Variants in DPP6 observed in about 807,000 individuals in gnomAD.
DPP6 encodes dipeptidyl peptidase like 6, also known as A-type potassium channel modulatory protein DPP6.
Under a neutral mutation model 122.6 loss-of-function variants are expected in DPP6, and 69 were observed. The observed-to-expected ratio is 0.56, with a 90% CI of 0.46 to 0.69. The LOEUF (loss-of-function observed/expected upper bound fraction) is 0.69, where lower values mean the gene tolerates loss of function less well. Ranked by LOEUF, DPP6 falls within the 30% of genes least tolerant of loss-of-function variation. The pLI, the probability that DPP6 is intolerant of heterozygous loss-of-function variation, is 0.00. For missense variants in DPP6, 928 were observed against 1,116.9 expected (o/e 0.83, Z 2.41); for synonymous variants, 418 against 433.1 (o/e 0.97, Z 0.43).
chr7:153,833,172 T>C, the DPP6 span, among the ~76,000 whole-genome samples: 1 of 152,234 alleles, frequency 6.6e-6, no homozygotes. Flanking sequence ...ATCTCTTGCC[T>C]GTGCTTCAGT....
intron 10 of DPP6, among the ~76,000 whole-genome samples, chr7:154,788,325 T>C (rs979681762): frequency 1.3e-5 from 2 of 151,920 alleles, no homozygotes; most frequent in Non-Finnish European, 2.9e-5. Flanking sequence ...ACACCTGTAA[T>C]CTCAGCTATT....
chr7:154,676,143 G>GCCCT lies in DPP6; in HGVS notation c.762+6702_762+6703insCCCT, dbSNP rs1253425280. 2.5e-3 allele frequency among the ~76,000 whole-genome samples: 366 copies of GCCCT among 144,110 alleles called. 6 individuals carry two copies. Among genetic ancestry groups the GCCCT allele is most frequent in the Middle Eastern group, 7.3e-3 (2 of 274 alleles). 94.5% of individuals were successfully genotyped at this position (144,110 alleles called of 152,430 possible). ...CAGCATGCTGTCTGGAGGTCCAGCT[G>GCCCT]TCCTAACCATGTGACCTCCTACACA... On this transcript the variant is annotated intron_variant, in intron 7 of 25. Transcript: ENST00000377770.
the DPP6 span, among the ~76,000 whole-genome samples, chr7:153,855,055 A>C: frequency 8.4e-6 from 1 of 119,502 alleles, no homozygotes; most frequent in South Asian, 3.5e-4. Context: ...ACATGGACAC[A>C]GGAAGGGGAA....
intron 1 of DPP6, among the ~76,000 whole-genome samples, chr7:154,064,873 C>T (rs1261371131): frequency 6.6e-6 from 1 of 152,168 alleles, no homozygotes; most frequent in Non-Finnish European, 1.5e-5. Context: ...ACCGCAAGCG[C>T]GTTGCACAGA....
intron 1 of DPP6, among the ~76,000 whole-genome samples, chr7:154,206,017 G>A (rs1799428054): frequency 6.6e-6 from 1 of 152,152 alleles, no homozygotes; most frequent in Admixed American, 6.5e-5. Context: ...TCCAAGGAAA[G>A]GCATCTCCTT....
chr7:154,771,019 G>A (rs1219624783), intron 9 of DPP6, among the ~76,000 whole-genome samples: 2 of 152,222 alleles, frequency 1.3e-5, no homozygotes, highest in South Asian at 2.1e-4. Flanking sequence ...TTCCTGCCAT[G>A]AGCTGCCTCT....
At position 154,624,436 on chromosome 7, in the gene DPP6, G is replaced by A. The variant is rs1024803291; in HGVS notation, c.628-13385G>A. The stretch of plus-strand genomic sequence containing the variant: ...GTACCCAGGAGACAGAGATTGCGCC[G>A]CTGCCTTCCAACCTGGGCAACAAGA... On this transcript the variant is annotated intron_variant, in intron 5 of 25. Transcript: ENST00000377770. The surrounding 1 kb of genome is among the most constrained non-coding windows in gnomAD (Gnocchi z 4.7). 5.9e-5 allele frequency among the ~76,000 whole-genome samples: 9 copies of A among 151,960 alleles called. No individual in the cohort carries two copies. The highest frequency in any genetic ancestry group is 3.9e-4 in the Admixed American group (6 of 15,270).
chr7:154,585,540 G>A (rs1457243222), intron 5 of DPP6, among the ~76,000 whole-genome samples: 1 of 152,202 alleles, frequency 6.6e-6, no homozygotes, highest in Admixed American at 6.5e-5. Context: ...GTGGTTACCA[G>A]AACCCCCGTG....
chr7:154,663,263 T>C lies in DPP6; in HGVS notation c.681-6097T>C, dbSNP rs572795873. On this transcript the variant is annotated intron_variant, in intron 6 of 25. Coordinates refer to ENST00000377770, the MANE Select transcript of DPP6 (RefSeq NM_130797.4). Reference sequence around the variant, plus strand: ...GTGAATCACCATGGCGTATTGGCCGTAGTGTTCATATAGTCATGGTGAATC... The same window carrying C: ...GTGAATCACCATGGCGTATTGGCCGCAGTGTTCATATAGTCATGGTGAATC... Among the ~76,000 whole-genome samples the C allele has an allele frequency of 2.1e-3, 130 of 61,360 alleles. 20 individuals carry two copies. Among genetic ancestry groups the C allele is most frequent in the African/African-American group, 4.6e-3 (125 of 27,128 alleles). The allele number at this position is 61,360 out of a possible 152,430, so 40.3% of individuals were successfully genotyped here.
chr7:154,147,443 T>A (rs1042412845), intron 1 of DPP6, among the ~76,000 whole-genome samples: 5 of 142,036 alleles, frequency 3.5e-5, no homozygotes, highest in Non-Finnish European at 6.2e-5. Flanking sequence ...TTCACTTTAT[T>A]CATTTCCTTC....
chr7:154,290,804 C>T (rs1163519148), intron 1 of DPP6, among the ~76,000 whole-genome samples: 5 of 152,146 alleles, frequency 3.3e-5, no homozygotes, highest in South Asian at 2.1e-4. Flanking sequence ...TTCCTCTGCA[C>T]ATGCCTGTGT....
intron 1 of DPP6, among the ~76,000 whole-genome samples, chr7:154,332,733 C>A (rs955614128): frequency 6.6e-6 from 1 of 152,130 alleles, no homozygotes; most frequent in Admixed American, 6.5e-5. Flanking sequence ...TTCTGTCTCC[C>A]CCCTCCAACC....
intron 1 of DPP6, among the ~76,000 whole-genome samples, chr7:154,199,972 C>T (rs555460943): frequency 2.0e-5 from 3 of 152,316 alleles, no homozygotes; most frequent in African/African-American, 7.2e-5. Context: ...AGAGCCCCGC[C>T]CGTAATGCCT....
intron 7 of DPP6, among the ~76,000 whole-genome samples, chr7:154,687,539 C>T (rs930549449): frequency 2.0e-5 from 3 of 152,084 alleles, no homozygotes; most frequent in African/African-American, 7.2e-5. Flanking sequence ...ATTTTTCCTT[C>T]GGGTTGTTTG....
chr7:154,365,105 A>G (rs377101246), intron 1 of DPP6, among the ~76,000 whole-genome samples: 2 of 152,314 alleles, frequency 1.3e-5, no homozygotes, highest in African/African-American at 4.8e-5. Flanking sequence ...ACTTGGTGTC[A>G]GGCTGAAAGG....
chr7:153,894,483 G>A (rs1226656141), intron 1 of DPP6, among the ~76,000 whole-genome samples: 2 of 152,150 alleles, frequency 1.3e-5, no homozygotes, highest in African/African-American at 2.4e-5. Flanking sequence ...GATGATGGGA[G>A]AAAGGGTTCC....
chr7:154,838,078 C>T lies in DPP6; in HGVS notation c.1667-15702C>T, dbSNP rs566061304. Among the ~76,000 whole-genome samples the T allele has an allele frequency of 2.3e-3, 347 of 152,328 alleles. 4 individuals are homozygous for T. Among genetic ancestry groups the T allele is most frequent in the East Asian group, 9.6e-4 (5 of 5,184 alleles). Reference sequence around the variant, plus strand: ...ACCCAGCAGCCACGTTAGGATGCTTCTCGGGTCCTGAGGTTTGGTTGGTGG... The same window carrying T: ...ACCCAGCAGCCACGTTAGGATGCTTTTCGGGTCCTGAGGTTTGGTTGGTGG... On this transcript the variant is annotated intron_variant, in intron 16 of 25. Coordinates refer to ENST00000377770, the MANE Select transcript of DPP6 (RefSeq NM_130797.4).
At chr7:154,599,330 C>A (rs1833284387) in intron 5 of DPP6, among the ~76,000 whole-genome samples, 1 of 152,030 alleles carries the variant, frequency 6.6e-6, no homozygotes, top group Non-Finnish European at 1.5e-5. Flanking sequence ...CTGTTTACCT[C>A]TTTTATTTCA....
intron 8 of DPP6, among the ~76,000 whole-genome samples, chr7:154,753,777 C>A (rs1014390718): frequency 3.3e-4 from 51 of 152,328 alleles, no homozygotes; most frequent in African/African-American, 1.0e-3. Context: ...CGCCTTCCGT[C>A]TAGGCTGTCC....
Sources: allele counts gnomAD v4.1 joint callset (sites outside exome capture counted in the v4.1 genomes callset), GRCh38; gene constraint gnomAD v4.1.1; non-coding constraint Gnocchi (gnomAD v3.1); transcripts MANE v1.5; gene names NCBI Gene and HGNC (gene_info 2026-07-23, HGNC 2026-07-21).